The following NCOA3 variants were observed in gnomAD, a reference collection of about 807,000 sequenced individuals.
NCOA3 encodes the protein nuclear receptor coactivator 3, also known as CBP-interacting protein.
In NCOA3, 51 loss-of-function variants were observed where a neutral mutation model predicts 158.8. That is an observed-to-expected ratio of 0.32 (90% CI 0.26 to 0.41). The LOEUF (loss-of-function observed/expected upper bound fraction) is 0.41, where lower values mean the gene tolerates loss of function less well. NCOA3 is among the 10% of genes least tolerant of loss of function. The pLI is 1.00. For synonymous variants in NCOA3, 537 were observed against 592.4 expected (o/e 0.91, Z 1.36); for missense variants, 1,510 against 1,746.6 (o/e 0.86, Z 2.41).
intron 2 of NCOA3, among the ~76,000 whole-genome samples, chr20:47,590,494 A>T (rs1172065136): frequency 1.3e-5 from 2 of 152,094 alleles, no homozygotes; most frequent in East Asian, 3.8e-4. Flanking sequence ...CCATTTAAAA[A>T]TTTTCCTACA....
chr20:47,632,273 G>C lies in NCOA3; in HGVS notation c.824-1223G>C, dbSNP rs181170837. On this transcript the variant is annotated intron_variant, in intron 8 of 22. Transcript: ENST00000371998. ...AGAAATGTATAGGAGAAGGTATTAG[G>C]GGGTGGGGATGAGGTTTGGAGGTTC... Among the ~76,000 whole-genome samples the C allele has an allele frequency of 8.2e-4, 125 of 152,292 alleles. 3 individuals are homozygous for C. The South Asian group carries it at 0.021, about 26-fold the overall frequency.
intron 17 of NCOA3, among the ~76,000 whole-genome samples, chr20:47,646,847 G>A (rs568434762): frequency 1.3e-5 from 2 of 152,050 alleles, no homozygotes; most frequent in Admixed American, 6.6e-5. Flanking sequence ...AGCACAGCAG[G>A]TTGTTCTCTT....
chr20:47,618,425 G>T (rs536129002), intron 2 of NCOA3, among the ~76,000 whole-genome samples: 1 of 140,888 alleles, frequency 7.1e-6, no homozygotes, highest in Non-Finnish European at 1.5e-5. Context: ...CCCAATCTTG[G>T]CTTACTGCAA....
intron 16 of NCOA3, among the ~76,000 whole-genome samples, chr20:47,641,490 CTTTTTTTTTTTTTTTTT>C (rs71183270): frequency 8.3e-5 from 4 of 48,366 alleles, no homozygotes; most frequent in South Asian, 7.3e-4. Context: ...TGGCTCCCTT[CTTTTTTTTTTTTTTTTT>C]TTTTTTTTTT....
chr20:47,522,371 G>A (rs1234594325), intron 1 of NCOA3, among the ~76,000 whole-genome samples: 1 of 150,908 alleles, frequency 6.6e-6, no homozygotes, highest in African/African-American at 2.4e-5. Context: ...TGCTGGGAGT[G>A]CTGGGATTAC....
intron 1 of NCOA3, among the ~76,000 whole-genome samples, chr20:47,545,469 GC>G (rs1284771769): frequency 6.6e-6 from 1 of 152,002 alleles, no homozygotes; most frequent in Non-Finnish European, 1.5e-5. Context: ...GAGCCACTGC[GC>G]CTGGCCTTTG....
chr20:47,509,217 T>A (rs1169145199), intron 1 of NCOA3, among the ~76,000 whole-genome samples: 1 of 151,272 alleles, frequency 6.6e-6, no homozygotes, highest in Non-Finnish European at 1.5e-5. Context: ...AGTAAGATCC[T>A]GTCTCTATAA....
intron 2 of NCOA3, among the ~76,000 whole-genome samples, chr20:47,616,865 T>TA (rs747980040): frequency 2.6e-5 from 4 of 152,224 alleles, no homozygotes; most frequent in Non-Finnish European, 5.9e-5. Flanking sequence ...GTAGCAAGTA[T>TA]AGGTCCTAAT....
intron 2 of NCOA3, among the ~76,000 whole-genome samples, chr20:47,588,307 G>C (rs920742552): frequency 6.6e-6 from 1 of 151,340 alleles, no homozygotes; most frequent in Non-Finnish European, 1.5e-5. Flanking sequence ...GCTAATTTTT[G>C]TATCTTTAAT....
At chr20:47,562,866 C>T (rs1205355013) in intron 1 of NCOA3, among the ~76,000 whole-genome samples, 17 of 152,046 alleles carry the variant, frequency 1.1e-4, no homozygotes, top group Admixed American at 1.1e-3. Context: ...TGTAATTATG[C>T]AGAACTTTTA....
intron 1 of NCOA3, among the ~76,000 whole-genome samples, chr20:47,574,928 A>G (rs537346621): frequency 1.4e-4 from 22 of 152,342 alleles, no homozygotes; most frequent in African/African-American, 5.3e-4. Context: ...CATCAGCATT[A>G]TATATGTAAT....
At chr20:47,628,206 A>G (rs1488792814) in intron 8 of NCOA3, among the ~76,000 whole-genome samples, 183 bp downstream of exon 8, 1 of 152,126 alleles carries the variant, frequency 6.6e-6, no homozygotes, top group Non-Finnish European at 1.5e-5. Flanking sequence ...TTTCACTAAA[A>G]TTCTTGGCAT....
At chr20:47,560,228 C>T (rs894406183) in intron 1 of NCOA3, among the ~76,000 whole-genome samples, 11 of 152,200 alleles carry the variant, frequency 7.2e-5, no homozygotes, top group East Asian at 1.9e-4. Context: ...TATAGGTGTG[C>T]GCTATCATGG....
At chr20:47,608,728 A>G (rs1261864310) in intron 2 of NCOA3, among the ~76,000 whole-genome samples, 1 of 151,946 alleles carries the variant, frequency 6.6e-6, no homozygotes. Flanking sequence ...AGCAGAAGTT[A>G]TTACAGGTTT....
chr20:47,651,414 AAT>A, intron 20 of NCOA3, 138 bp downstream of exon 20: 1 of 1,366,096 alleles, frequency 7.3e-7, no homozygotes, highest in Non-Finnish European at 9.7e-7. Flanking sequence ...AATTAATTTA[AAT>A]GATTGGAAAA....
intron 21 of NCOA3, 117 bp from the exon 22 acceptor site, chr20:47,652,814 C>T: frequency 1.6e-6 from 2 of 1,267,626 alleles, no homozygotes; most frequent in Non-Finnish European, 2.2e-6. Context: ...GGAGTTTTCT[C>T]TAACATTCCC....
At chr20:47,529,949 G>A (rs553114068) in intron 1 of NCOA3, among the ~76,000 whole-genome samples, 1 of 152,186 alleles carries the variant, frequency 6.6e-6, no homozygotes, top group Admixed American at 6.5e-5. Flanking sequence ...AGACATTCTG[G>A]ATGTCAGCCT....
chr20:47,518,694 G>A (rs1270381656), intron 1 of NCOA3, among the ~76,000 whole-genome samples: 3 of 151,696 alleles, frequency 2.0e-5, no homozygotes, highest in Non-Finnish European at 2.9e-5. Context: ...CAAAATGCTG[G>A]GATTACAGGG....
intron 1 of NCOA3, among the ~76,000 whole-genome samples, chr20:47,563,486 G>A (rs1420484935): frequency 6.6e-6 from 1 of 152,144 alleles, no homozygotes; most frequent in Middle Eastern, 3.4e-3. Context: ...AATCAAAAAG[G>A]GAAAAAAATG....
Sources: gnomAD v4.1 joint callset for allele counts (sites outside exome capture counted in the v4.1 genomes callset) on GRCh38, gnomAD v4.1.1 for gene constraint, MANE v1.5 for transcripts, NCBI Gene and HGNC (gene_info 2026-07-23, HGNC 2026-07-21) for gene names.